Variants in PICK1 observed in about 807,000 individuals in gnomAD.
PICK1 encodes protein interacting with PRKCA 1, also known as PRKCA-binding protein.
A neutral mutation model predicts 48.9 loss-of-function variants in PICK1; 23 were observed. The observed-to-expected ratio is 0.47, with a 90% confidence interval of 0.34 to 0.67. PICK1 has a LOEUF of 0.67. Ranked by LOEUF, PICK1 falls within the 30% of genes least tolerant of loss-of-function variation. PICK1 has a pLI of 0.01. For synonymous variants in PICK1, 217 were observed against 228.2 expected (o/e 0.95, Z 0.44); for missense variants, 423 against 557.1 (o/e 0.76, Z 2.42).
intron 5 of PICK1, 191 bp downstream of exon 5, chr22:38,067,961 A>G (rs2076370): frequency 0.66 from 449,145 of 684,746 alleles, 150,342 homozygotes; most frequent in African/African-American, 0.92. Flanking sequence ...CTCTCCCTGC[A>G]TCTGTTCTTG....
chr22:38,059,968 C>G (rs1408171597), intron 3 of PICK1, among the ~76,000 whole-genome samples: 1 of 152,218 alleles, frequency 6.6e-6, no homozygotes, highest in African/African-American at 2.4e-5. Context: ...AATCCCAGCA[C>G]TTTGGGAGGC....
Position 38,061,353 on chromosome 22 carries a change from A to AATCATC in PICK1, c.153+2017_153+2022dup, listed in dbSNP as rs1555952091. Among the ~76,000 whole-genome samples, 280 of 151,070 alleles carry AATCATC rather than the reference A, an allele frequency of 1.9e-3. 1 individual carries two copies. Among genetic ancestry groups the AATCATC allele is most frequent in the African/African-American group, 6.5e-3 (265 of 40,612 alleles). On this transcript the variant is annotated intron_variant, in intron 3 of 12. Transcript: ENST00000356976. ...GAGACTCCGTCTCAAAAATAATAAT[A>AATCATC]ATCATCATCATCATAGAATTGATTT...
intron 3 of PICK1, among the ~76,000 whole-genome samples, chr22:38,062,641 G>A (rs966021081): frequency 1.3e-5 from 2 of 151,882 alleles, no homozygotes; most frequent in South Asian, 2.1e-4. Context: ...CCCATCTTGG[G>A]GGTCCCTTTC....
At position 38,065,207 on chromosome 22, in the gene PICK1, G is replaced by A. The variant is rs77786449; in HGVS notation, c.282+77G>A. 4,529 of 1,498,264 alleles carry A rather than the reference G, an allele frequency of 3.0e-3. 140 individuals carry two copies. In the African/African-American group the frequency reaches 0.056, roughly 19 times the overall value. The allele number at this position is 1,498,264 out of a possible 1,614,324, so 92.8% of individuals were successfully genotyped here. On this transcript the variant is annotated intron_variant, in intron 4 of 12. Coordinates refer to ENST00000356976, the MANE Select transcript of PICK1 (RefSeq NM_012407.4). ...GACCTCCAGGCTGCCAGAGGTCCCAGCAGGCCTGGAAGGGGGTATCAGCCC... is the reference window on the plus strand; with the variant it reads ...GACCTCCAGGCTGCCAGAGGTCCCAACAGGCCTGGAAGGGGGTATCAGCCC...
chr22:38,064,979 C>T, intron 3 of PICK1, 23 bp from the exon 4 acceptor site: 1 of 1,613,564 alleles, frequency 6.2e-7, no homozygotes, highest in Non-Finnish European at 8.5e-7. Context: ...TCTTCCCCCA[C>T]CACTCTCCTT....
intron 3 of PICK1, among the ~76,000 whole-genome samples, chr22:38,063,300 G>A (rs1028503273): frequency 1.8e-4 from 28 of 151,912 alleles, no homozygotes; most frequent in African/African-American, 6.8e-4. Flanking sequence ...GGGACTACAG[G>A]CACGCGCCAC....
chr22:38,073,925 C>T lies in PICK1; in HGVS notation c.834+102C>T. The T allele has an allele frequency of 8.4e-7, 1 of 1,185,324 alleles. No homozygotes were observed. Among genetic ancestry groups the T allele is most frequent in the Non-Finnish European group, 1.3e-6 (1 of 795,256 alleles). 73.4% of individuals were successfully genotyped at this position (1,185,324 alleles called of 1,614,324 possible). A position where few individuals can be genotyped will look rare whatever the true frequency, so the allele number is the denominator to read the frequency against. On this transcript the variant is annotated intron_variant, in intron 11 of 12. Transcript: ENST00000356976. The surrounding 1 kb of genome is among the most constrained non-coding windows in gnomAD (Gnocchi z 5.7). The stretch of plus-strand genomic sequence containing the variant: ...CCCGGGAGAGACCGGGGGGACTTGG[C>T]TGGACTCTCGTTCCTGGAGATTTAG...
At position 38,067,785 on chromosome 22, in the gene PICK1, G is replaced by T; in HGVS notation, c.349+15G>T. 6.2e-7 allele frequency: 1 copy of T among 1,610,686 alleles called. No homozygotes were observed. ...CCTGGACATTGGTAAGCTGGTCAGA[G>T]CAGTTACGGGTGTCCAGCAGCCTCC... On this transcript the variant is annotated intron_variant, in intron 5 of 12. Coordinates refer to ENST00000356976, the MANE Select transcript of PICK1 (RefSeq NM_012407.4).
In PICK1 at chr22:38,059,196, C is replaced by A. The variant is rs41308739; in HGVS notation, c.42-38C>A. Reference sequence around the variant, plus strand: ...GGGCCCACCCGCTCCAGTCATCCTTCTGCCAGGAGAGTCAGCCTAGCTTGC... The same window carrying A: ...GGGCCCACCCGCTCCAGTCATCCTTATGCCAGGAGAGTCAGCCTAGCTTGC... On this transcript the variant is annotated intron_variant, in intron 2 of 12. Transcript: ENST00000356976. The A allele has an allele frequency of 6.9e-3, 10,035 of 1,459,910 alleles. 52 individuals carry two copies. The highest frequency in any genetic ancestry group is 8.8e-3 in the Non-Finnish European group (9,311 of 1,063,132). The allele number at this position is 1,459,910 out of a possible 1,614,324, so 90.4% of individuals were successfully genotyped here. A position where few individuals can be genotyped will look rare whatever the true frequency, so the allele number is the denominator to read the frequency against.
chr22:38,057,854 A>G lies in PICK1; in HGVS notation c.41+4A>G. ...ATGACATCGAAGAGGATAAACTGTG[A>G]GTATTTTATTCCCCCAAGTTCCAGC... On this transcript the variant is annotated splice_donor_region_variant and intron_variant, in intron 2 of 12. Coordinates refer to ENST00000356976, the MANE Select transcript of PICK1 (RefSeq NM_012407.4). The G allele has an allele frequency of 1.2e-6, 2 of 1,612,348 alleles. No individual in the cohort carries two copies. The highest frequency in any genetic ancestry group is 1.7e-6 in the Non-Finnish European group (2 of 1,178,320).
Position 38,073,646 on chromosome 22 carries a change from C to A in PICK1, c.784-127C>A. ...CCCTGTCATCCCTCAGCACCTGCCGCTGCCCGCTCTGGGACTCCCTGAACA... is the reference window on the plus strand; with the variant it reads ...CCCTGTCATCCCTCAGCACCTGCCGATGCCCGCTCTGGGACTCCCTGAACA... On this transcript the variant is annotated intron_variant, in intron 10 of 12. Coordinates refer to ENST00000356976, the MANE Select transcript of PICK1 (RefSeq NM_012407.4). This position sits in a 1 kb window ranked among gnomAD's most constrained non-coding sequence, Gnocchi z 5.7. 2.3e-6 allele frequency: 2 copies of A among 879,160 alleles called. No individual in the cohort carries two copies. The highest frequency in any genetic ancestry group is 3.9e-6 in the Non-Finnish European group (2 of 518,520). 54.5% of individuals were successfully genotyped at this position (879,160 alleles called of 1,614,324 possible).
In PICK1 at chr22:38,074,733, A is replaced by G; in HGVS notation, c.980-131A>G. 8.2e-7 allele frequency: 1 copy of G among 1,223,474 alleles called. No homozygotes were observed. The highest frequency in any genetic ancestry group is 1.1e-6 in the Non-Finnish European group (1 of 872,236). The allele number at this position is 1,223,474 out of a possible 1,614,324, so 75.8% of individuals were successfully genotyped here. ...TGCCTCCGCCCCTTGCCAGGTCATG[A>G]GGGGTCAGGGAAGTGCCCGAGTGGG... is the stretch of plus-strand genomic sequence containing the variant. On this transcript the variant is annotated intron_variant, in intron 12 of 12. Coordinates refer to ENST00000356976, the MANE Select transcript of PICK1 (RefSeq NM_012407.4). The surrounding 1 kb of genome is among the most constrained non-coding windows in gnomAD (Gnocchi z 4.5).
intron 3 of PICK1, among the ~76,000 whole-genome samples, chr22:38,060,224 AAAAG>A (rs1266889978): frequency 8.5e-5 from 13 of 152,202 alleles, no homozygotes; most frequent in Admixed American, 1.3e-4. Context: ...TGTTTCAAAA[AAAAG>A]AAAGAACCAT....
chr22:38,059,395 G>T, intron 3 of PICK1, 50 bp downstream of exon 3: 1 of 1,254,846 alleles, frequency 8.0e-7, no homozygotes, highest in South Asian at 1.3e-5. Flanking sequence ...ACTTGGGCAT[G>T]ACAAAGGCAG....
At chr22:38,068,400 A>AG (rs1287790631) in intron 5 of PICK1, among the ~76,000 whole-genome samples, 2 of 152,202 alleles carry the variant, frequency 1.3e-5, no homozygotes, top group African/African-American at 4.8e-5. Context: ...AGGGCGCTGC[A>AG]GCCCCTGGTG....
Position 38,073,382 on chromosome 22 carries a change from G to A in PICK1, c.783+290G>A, listed in dbSNP as rs986169366. 6.6e-6 allele frequency among the ~76,000 whole-genome samples: 1 copy of A among 152,262 alleles called. No homozygotes were observed. The highest frequency in any genetic ancestry group is 2.4e-5 in the African/African-American group (1 of 41,474). On this transcript the variant is annotated intron_variant, in intron 10 of 12. Coordinates refer to ENST00000356976, the MANE Select transcript of PICK1 (RefSeq NM_012407.4). The surrounding 1 kb of genome is among the most constrained non-coding windows in gnomAD (Gnocchi z 5.7). ...CTAGGTGAGTGAGCATAAAATGGGT[G>A]TCAGTGAACGTTCGTGAGTTTTACA...
chr22:38,062,609 C>T (rs1441580680), intron 3 of PICK1, among the ~76,000 whole-genome samples: 2 of 152,194 alleles, frequency 1.3e-5, no homozygotes, highest in Non-Finnish European at 2.9e-5. Flanking sequence ...CCCCCTGCCC[C>T]TGCCCCTTCT....
At chr22:38,069,456 AGGAGGT>A (rs1569201387) in intron 6 of PICK1, among the ~76,000 whole-genome samples, 1 of 152,084 alleles carries the variant, frequency 6.6e-6, no homozygotes, top group Non-Finnish European at 1.5e-5. Flanking sequence ...TCCTTTGTCC[AGGAGGT>A]GGTGCTGCTG....
chr22:38,070,761 C>G, intron 6 of PICK1, 77 bp from the exon 7 acceptor site: 1 of 1,310,224 alleles, frequency 7.6e-7, no homozygotes, highest in South Asian at 1.2e-5. Context: ...GGTTGCCTCT[C>G]CCCTCCCCAG....
Sources: gnomAD v4.1 joint callset for allele counts (sites outside exome capture counted in the v4.1 genomes callset) on GRCh38, gnomAD v4.1.1 for gene constraint, Gnocchi (gnomAD v3.1) non-coding constraint, MANE v1.5 for transcripts, NCBI Gene and HGNC (gene_info 2026-07-23, HGNC 2026-07-21) for gene names.